The following CHSY1 variants were observed in gnomAD, a reference collection of about 807,000 sequenced individuals.
CHSY1 encodes the protein N-acetylgalactosaminyl-proteoglycan 3-beta-glucuronosyltransferase 1.
A neutral mutation model predicts 59.8 loss-of-function variants in CHSY1; 13 were observed. The observed-to-expected ratio is 0.22, with a 90% CI of 0.14 to 0.35. CHSY1 has a LOEUF of 0.35. CHSY1 is among the 10% of genes least tolerant of loss of function. The pLI is 1.00. For missense variants in CHSY1, 947 were observed against 1,030.6 expected, an observed-to-expected ratio of 0.92 and a Z score of 1.11; for synonymous variants, 459 against 401.2, an observed-to-expected ratio of 1.14 and a Z score of -1.72.
At chr15:101,237,322 C>A (rs904344764) in intron 1 of CHSY1, among the ~76,000 whole-genome samples, 7 of 151,430 alleles carry the variant, frequency 4.6e-5, no homozygotes. Context: ...CCACAGGAAG[C>A]CTCTAGAGGG....
chr15:101,177,852 C>T lies in CHSY1; in HGVS notation c.1945G>A (p.Val649Ile). The change falls in exon 3 of 3, where the codon GTT (valine) becomes ATT (isoleucine). Residue 649 changes from valine (V) to isoleucine (I), a missense_variant. Physicochemically the swap from Val to Ile is conservative, Grantham distance 29 (BLOSUM62 3). Transcript: ENST00000254190. ...EFLQRCRANT[V>I]LGQQIYFPII... ...GGAAAATATATTTGTTGGCCCAGAA[C>T]TGTATTTGCTCGACATCGCTGAAGG... 1 of 1,614,208 alleles carries T rather than the reference C, an allele frequency of 6.2e-7. No homozygotes were observed. Among genetic ancestry groups the T allele is most frequent in the South Asian group, 1.1e-5 (1 of 91,086 alleles).
intron 2 of CHSY1, among the ~76,000 whole-genome samples, chr15:101,192,916 A>T (rs2038463310): frequency 6.6e-6 from 1 of 152,204 alleles, no homozygotes; most frequent in Non-Finnish European, 1.5e-5. Context: ...AATTTTAAAA[A>T]ATGCTTATTA....
At position 101,178,156 on chromosome 15, in the gene CHSY1, AAAC is replaced by A; in HGVS notation, c.1638_1640del (p.Met546_Phe547delinsIle). On this transcript the variant is annotated inframe_deletion, in exon 3 of 3. Coordinates refer to ENST00000254190, the MANE Select transcript of CHSY1 (RefSeq NM_014918.5). The stretch of plus-strand genomic sequence containing the variant: ...TCTCAAAGTTTCCCATAAATCTCAC[AAAC>A]ATGTCGAAACGCCCAGACAAAGGAA... 1 of 1,614,206 alleles carries A rather than the reference AAAC, an allele frequency of 6.2e-7. No homozygotes were observed. The highest frequency in any genetic ancestry group is 8.5e-7 in the Non-Finnish European group (1 of 1,180,032).
At chr15:101,182,122 AC>A (rs1317342494) in intron 2 of CHSY1, among the ~76,000 whole-genome samples, 1 of 152,176 alleles carries the variant, frequency 6.6e-6, no homozygotes, top group Non-Finnish European at 1.5e-5. Flanking sequence ...ACCTCAATCT[AC>A]AGTACCTAGC....
chr15:101,248,839 C>T (rs28498458), intron 1 of CHSY1, among the ~76,000 whole-genome samples: 68,189 of 151,850 alleles, frequency 0.45, 17,238 homozygotes, highest in African/African-American at 0.71. Flanking sequence ...CAGGATGGAG[C>T]GCAGTGACGC....
intron 1 of CHSY1, among the ~76,000 whole-genome samples, chr15:101,240,122 T>C (rs1362981804): frequency 2.0e-5 from 3 of 152,250 alleles, no homozygotes; most frequent in African/African-American, 7.2e-5. Context: ...CTGTTCTAAA[T>C]GACTGGTGGT....
At position 101,178,336 on chromosome 15, in the gene CHSY1, C is replaced by G. The variant is rs754194196; in HGVS notation, c.1461G>C (p.Glu487Asp). ...FSKIQFVEHEELDAQELAKRI... is the reference protein window; with the variant it reads ...FSKIQFVEHEDLDAQELAKRI... ...TCTTGGCCAACTCTTGTGCATCCAGCTCCTCATGCTCCACAAACTGGATTT... is the reference window on the plus strand; with the variant it reads ...TCTTGGCCAACTCTTGTGCATCCAGGTCCTCATGCTCCACAAACTGGATTT... The change falls in exon 3 of 3, where the codon GAG (glutamate) becomes GAC (aspartate). Residue 487 changes from glutamate to aspartate, a missense_variant. Coordinates refer to ENST00000254190, the MANE Select transcript of CHSY1 (RefSeq NM_014918.5). 6 of 1,607,586 alleles carry G rather than the reference C, an allele frequency of 3.7e-6. No individual in the cohort carries two copies. The highest frequency in any genetic ancestry group is 1.3e-5 in the African/African-American group (1 of 74,702).
At chr15:101,237,373 C>T (rs1032412201) in intron 1 of CHSY1, among the ~76,000 whole-genome samples, 2 of 152,090 alleles carry the variant, frequency 1.3e-5, no homozygotes, top group African/African-American at 4.8e-5. Context: ...ACATTTTGAA[C>T]TCCCTAGGAA....
chr15:101,206,807 T>G (rs2038631340), intron 2 of CHSY1, among the ~76,000 whole-genome samples: 1 of 152,168 alleles, frequency 6.6e-6, no homozygotes, highest in Admixed American at 6.5e-5. Flanking sequence ...CAGCCTAAAA[T>G]AGTCCTCCAA....
At chr15:101,246,610 C>T (rs183899810) in intron 1 of CHSY1, among the ~76,000 whole-genome samples, 3 of 152,214 alleles carry the variant, frequency 2.0e-5, no homozygotes, top group East Asian at 1.9e-4. Flanking sequence ...CTGAGCATGA[C>T]GAAGATGGCA....
intron 1 of CHSY1, among the ~76,000 whole-genome samples, chr15:101,237,055 TAA>T (rs35949707): frequency 3.5e-5 from 5 of 142,472 alleles, no homozygotes; most frequent in Admixed American, 7.0e-5. Flanking sequence ...CCATCTCTAC[TAA>T]AAAAAAAAAT....
chr15:101,178,174 A>T lies in CHSY1; in HGVS notation c.1623T>A (p.Ser541=). 6.2e-7 allele frequency: 1 copy of T among 1,614,236 alleles called. No individual in the cohort carries two copies. Residue 541 remains serine, a synonymous_variant, in exon 3 of 3, where the codon TCT becomes TCA. Transcript: ENST00000254190. Reference sequence around the variant, plus strand: ...ATCTCACAAACATGTCGAAACGCCCAGACAAAGGAATCAGTATGTTTATCT... The same window carrying T: ...ATCTCACAAACATGTCGAAACGCCCTGACAAAGGAATCAGTATGTTTATCT... ...DKKINILIPL[S]GRFDMFVRFM...
At chr15:101,244,514 T>C (rs1278258764) in intron 1 of CHSY1, among the ~76,000 whole-genome samples, 1 of 152,226 alleles carries the variant, frequency 6.6e-6, no homozygotes, top group East Asian at 1.9e-4. Flanking sequence ...GCTGACATCT[T>C]TTTGTGGTTT....
chr15:101,190,377 C>T (rs535463670), intron 2 of CHSY1, among the ~76,000 whole-genome samples: 3 of 152,286 alleles, frequency 2.0e-5, no homozygotes, highest in African/African-American at 7.2e-5. Flanking sequence ...AGCAATCCCA[C>T]GGAGAAGTGA....
intron 2 of CHSY1, among the ~76,000 whole-genome samples, chr15:101,199,007 C>A (rs1036443477): frequency 9.2e-5 from 14 of 152,172 alleles, no homozygotes; most frequent in Admixed American, 9.2e-4. Context: ...CCTAAAGAAA[C>A]TCATTCCTAA....
chr15:101,227,832 T>C (rs956617369), intron 2 of CHSY1, among the ~76,000 whole-genome samples: 4 of 152,138 alleles, frequency 2.6e-5, no homozygotes, highest in Non-Finnish European at 5.9e-5. Flanking sequence ...AAGCAAATCA[T>C]GTAGAGACTT....
Position 101,251,144 on chromosome 15 carries a change from C to T in CHSY1, c.313G>A (p.Ala105Thr), listed in dbSNP as rs1399951825. 2 of 1,586,658 alleles carry T rather than the reference C, an allele frequency of 1.3e-6. No homozygotes were observed. Among genetic ancestry groups the T allele is most frequent in the Non-Finnish European group, 1.7e-6 (2 of 1,170,808 alleles). The change falls in exon 1 of 3, where the codon GCC becomes ACC. Residue 105 changes from alanine to threonine, a missense_variant. Coordinates refer to ENST00000254190, the MANE Select transcript of CHSY1 (RefSeq NM_014918.5). The stretch of plus-strand genomic sequence containing the variant: ...CGGGGAGCAGGGGCTCACCTGTAGG[C>T]GGCCACGGCCCGAGTCTGCAGGTAT... Reference protein sequence around the residue: ...QKYLQTRAVAAYRTWSKTIPG... With the variant: ...QKYLQTRAVATYRTWSKTIPG...
intron 1 of CHSY1, among the ~76,000 whole-genome samples, chr15:101,237,800 A>G (rs1286468708): frequency 6.6e-6 from 1 of 152,268 alleles, no homozygotes; most frequent in Non-Finnish European, 1.5e-5. Context: ...TACTTCCAAG[A>G]AAAATGTATC....
intron 1 of CHSY1, among the ~76,000 whole-genome samples, chr15:101,248,493 G>T (rs577966395): frequency 6.6e-6 from 1 of 152,232 alleles, no homozygotes; most frequent in Non-Finnish European, 1.5e-5. Context: ...TTCTGTGAGA[G>T]AGCTGGAGTG....
Sources: allele counts gnomAD v4.1 joint callset (sites outside exome capture counted in the v4.1 genomes callset), GRCh38; gene constraint gnomAD v4.1.1; transcripts MANE v1.5; gene names NCBI Gene and HGNC (gene_info 2026-07-23, HGNC 2026-07-21).